The following CCT6A variants were observed in gnomAD, a reference collection of about 807,000 sequenced individuals.
The protein encoded by CCT6A is T-complex protein 1 subunit zeta.
CCT6A carries 6 observed loss-of-function variants against 58.6 expected under a neutral mutation model. The ratio of observed to expected loss-of-function variants is 0.10; its 90% CI spans 0.06 to 0.20. CCT6A has a LOEUF of 0.20. Ranked by LOEUF, CCT6A falls within the 10% of genes least tolerant of loss-of-function variation. CCT6A has a pLI of 1.00. For synonymous variants in CCT6A, 245 were observed against 227.8 expected, an observed-to-expected ratio of 1.08 and a Z score of -0.68; for missense variants, 516 against 648.8, an observed-to-expected ratio of 0.80 and a Z score of 2.22.
chr7:56,057,462 C>T (rs1034768402), intron 5 of CCT6A, among the ~76,000 whole-genome samples: 3 of 151,968 alleles, frequency 2.0e-5, no homozygotes, highest in Non-Finnish European at 2.9e-5. Flanking sequence ...CTTCTGCCTC[C>T]GTAAGTGCTG....
At position 56,060,382 on chromosome 7, in the gene CCT6A, C is replaced by T. The variant is rs534008553; in HGVS notation, c.1179C>T (p.Asp393=). The change falls in exon 10 of 14, where the codon GAC becomes GAT. Residue 393 remains aspartate, a synonymous_variant. Transcript: ENST00000275603. Reference sequence around the variant, plus strand: ...CTCAGATCAAAGATGCAGTGAGGGACGGCTTGAGGGCTGTCAAAAATGCTA... The same window carrying T: ...CTCAGATCAAAGATGCAGTGAGGGATGGCTTGAGGGCTGTCAAAAATGCTA... ...TLTQIKDAVR[D]GLRAVKNAID... is the part of the protein sequence containing the mutation. 1.1e-5 allele frequency: 18 copies of T among 1,613,912 alleles called. No homozygotes were observed. Among genetic ancestry groups the T allele is most frequent in the Non-Finnish European group, 1.4e-5 (16 of 1,179,834 alleles).
At chr7:56,060,168 GTTCCTTATTAATATGC>G in intron 9 of CCT6A, 85 bp from the exon 10 acceptor site, 1 of 987,808 alleles carries the variant, frequency 1.0e-6, no homozygotes, top group East Asian at 2.4e-5. Context: ...GATCAAGTTT[GTTCCTTATTAATATGC>G]TACTTGTCAT....
At chr7:56,061,691 TTTTAC>T in intron 11 of CCT6A, 51 bp from the exon 12 acceptor site, 4 of 536,332 alleles carry the variant, frequency 7.5e-6, no homozygotes, top group Non-Finnish European at 9.6e-6. Flanking sequence ...TTTTTTTTTT[TTTTAC>T]TATCAGTTAT....
chr7:56,051,957 A>G lies in CCT6A; in HGVS notation c.109A>G (p.Asn37Asp). 1 of 1,538,408 alleles carries G rather than the reference A, an allele frequency of 6.5e-7. No individual in the cohort carries two copies. Among genetic ancestry groups the G allele is most frequent in the Non-Finnish European group, 8.8e-7 (1 of 1,141,632 alleles). ...ARGLQDVLRT[N>D]LGPKGTMKML... The stretch of plus-strand genomic sequence containing the variant: ...GGGTCTGCAGGACGTGCTAAGGACC[A>G]ACCTGGGGCCCAAGGGCACCATGAA... The change falls in exon 1 of 14, where the codon AAC becomes GAC. Residue 37 changes from asparagine to aspartate, a missense_variant. By Grantham distance (23) the Asn-to-Asp change is conservative. Coordinates refer to ENST00000275603, the MANE Select transcript of CCT6A (RefSeq NM_001762.4).
chr7:56,054,559 T>C lies in CCT6A; in HGVS notation c.336+56T>C, dbSNP rs530325528. 7.9e-5 allele frequency: 120 copies of C among 1,526,190 alleles called. 1 individual carries two copies. Among genetic ancestry groups the C allele is most frequent in the Non-Finnish European group, 1.0e-4 (115 of 1,115,854 alleles). 94.5% of individuals were successfully genotyped at this position (1,526,190 alleles called of 1,614,324 possible). On this transcript the variant is annotated intron_variant, in intron 3 of 13. Transcript: ENST00000275603. ...TTTTGTATATAGGAAGTGTCTGATA[T>C]TTATACAAATTGATGTGCTGTTAAT...
rs1418253020 is a variant in CCT6A, at chr7:56,051,958, A to G, written c.110A>G (p.Asn37Ser). 6.5e-7 allele frequency: 1 copy of G among 1,529,980 alleles called. No homozygotes were observed. The highest frequency in any genetic ancestry group is 8.8e-7 in the Non-Finnish European group (1 of 1,136,666). The allele number at this position is 1,529,980 out of a possible 1,614,324, so 94.8% of individuals were successfully genotyped here. The change falls in exon 1 of 14, where the codon AAC becomes AGC. Residue 37 changes from asparagine (N) to serine (S), a missense_variant. By Grantham distance (46) the Asn-to-Ser change is conservative. Transcript: ENST00000275603. ...GGTCTGCAGGACGTGCTAAGGACCAACCTGGGGCCCAAGGGCACCATGAAG... is the reference window on the plus strand; with the variant it reads ...GGTCTGCAGGACGTGCTAAGGACCAGCCTGGGGCCCAAGGGCACCATGAAG... ...ARGLQDVLRT[N>S]LGPKGTMKML...
Position 56,052,470 on chromosome 7 carries a change from G to C in CCT6A, c.186G>C (p.Val62=), listed in dbSNP as rs781062032. The C allele has an allele frequency of 1.2e-6, 2 of 1,613,830 alleles. No homozygotes were observed. Among genetic ancestry groups the C allele is most frequent in the South Asian group, 2.2e-5 (2 of 91,084 alleles). ...GDIKLTKDGN[V]LLHEMQIQHP... ...TCAAACTTACTAAAGACGGCAATGT[G>C]CTGCTTCACGAAATGGTGAGAGGTG... is the stretch of plus-strand genomic sequence containing the variant. Residue 62 remains valine (V), a synonymous_variant, in exon 2 of 14, where the codon GTG becomes GTC. Coordinates refer to ENST00000275603, the MANE Select transcript of CCT6A (RefSeq NM_001762.4).
rs572489585 is a variant in CCT6A at position 56,063,132 on chromosome 7, C to CTT, written c.*48_*49insTT. On this transcript the variant is annotated 3_prime_UTR_variant, in exon 14 of 14. Transcript: ENST00000275603. ...GAATCTTGAAGACTGCAAAGTGATC[C>CTT]TGAGGATTACAGCTGTGGAATTTTT... The CTT allele has an allele frequency of 6.6e-4, 821 of 1,252,194 alleles. 3 individuals are homozygous for CTT. The highest frequency in any genetic ancestry group is 4.6e-3 in the Admixed American group (275 of 59,536). 77.6% of individuals were successfully genotyped at this position (1,252,194 alleles called of 1,614,324 possible). A position where few individuals can be genotyped will look rare whatever the true frequency, so the allele number is the denominator to read the frequency against.
In CCT6A at chr7:56,063,358, A is replaced by G. The variant is rs1306269114; in HGVS notation, c.*273A>G. The G allele has an allele frequency of 7.8e-5, 35 of 451,568 alleles. No homozygotes were observed. The highest frequency in any genetic ancestry group is 1.2e-4 in the Non-Finnish European group (30 of 252,446). 28.0% of individuals were successfully genotyped at this position (451,568 alleles called of 1,614,324 possible). A position where few individuals can be genotyped will look rare whatever the true frequency, so the allele number is the denominator to read the frequency against. Reference sequence around the variant, plus strand: ...AGTGACATAAAATTCCATGTTAGATAAGCATATGTTACTTACCTTGTTATT... The same window carrying G: ...AGTGACATAAAATTCCATGTTAGATGAGCATATGTTACTTACCTTGTTATT... On this transcript the variant is annotated 3_prime_UTR_variant, in exon 14 of 14. Coordinates refer to ENST00000275603, the MANE Select transcript of CCT6A (RefSeq NM_001762.4).
chr7:56,051,812 A>T lies in CCT6A; in HGVS notation c.-37A>T, dbSNP rs761665214. On this transcript the variant is annotated 5_prime_UTR_variant, in exon 1 of 14. Transcript: ENST00000275603. Reference sequence around the variant, plus strand: ...CGGCCACGCCGCGCCGGCTCTGGGCACTCAGCATCGTTTCCTTTTCCTCCG... The same window carrying T: ...CGGCCACGCCGCGCCGGCTCTGGGCTCTCAGCATCGTTTCCTTTTCCTCCG... The T allele has an allele frequency of 2.6e-6, 4 of 1,545,650 alleles. No individual in the cohort carries two copies. Among genetic ancestry groups the T allele is most frequent in the Non-Finnish European group, 3.5e-6 (4 of 1,145,420 alleles).
In CCT6A at chr7:56,063,397, A is replaced by G. The variant is rs1201323611; in HGVS notation, c.*312A>G. 4 of 294,866 alleles carry G rather than the reference A, an allele frequency of 1.4e-5. No individual in the cohort carries two copies. The highest frequency in any genetic ancestry group is 4.8e-5 in the Admixed American group (1 of 20,856). The allele number at this position is 294,866 out of a possible 1,614,324, so 18.3% of individuals were successfully genotyped here. On this transcript the variant is annotated 3_prime_UTR_variant, in exon 14 of 14. Transcript: ENST00000275603. ...TACCTTGTTATTAAATATTTCTTGA[A>G]AAGCAAATTTTAATGGTTTAATTTT...
chr7:56,055,829 A>C (rs1369055104), intron 4 of CCT6A, 32 bp downstream of exon 4: 1 of 1,484,516 alleles, frequency 6.7e-7, no homozygotes, highest in Non-Finnish European at 9.3e-7. Context: ...TGTCTGGTAT[A>C]GTATACCTAT....
chr7:56,054,250 A>G lies in CCT6A; in HGVS notation c.202-119A>G, dbSNP rs1794257088. The G allele has an allele frequency of 4.0e-6, 3 of 741,516 alleles. No homozygotes were observed. In the South Asian group the frequency reaches 6.3e-5, roughly 15 times the overall value. 45.9% of individuals were successfully genotyped at this position (741,516 alleles called of 1,614,324 possible). A position where few individuals can be genotyped will look rare whatever the true frequency, so the allele number is the denominator to read the frequency against. On this transcript the variant is annotated intron_variant, in intron 2 of 13. Transcript: ENST00000275603. Reference sequence around the variant, plus strand: ...AGTTAATCGAAGTAATTTGTAGCCAACATTTGGGTAGCTTTTTCAAGTAGA... The same window carrying G: ...AGTTAATCGAAGTAATTTGTAGCCAGCATTTGGGTAGCTTTTTCAAGTAGA...
intron 9 of CCT6A, chr7:56,059,991 C>T (rs775590542): frequency 1.9e-5 from 9 of 465,054 alleles, no homozygotes; most frequent in African/African-American, 3.9e-5. Context: ...CATGAGCCAC[C>T]GTGCCTGGTT....
At chr7:56,052,578 G>A in intron 2 of CCT6A, 93 bp downstream of exon 2, 1 of 1,100,882 alleles carries the variant, frequency 9.1e-7, no homozygotes. Flanking sequence ...TTTCAAGGTA[G>A]GAGAACATTC....
At chr7:56,062,584 A>C (rs1014157257) in intron 12 of CCT6A, 99 bp from the exon 13 acceptor site, 39 of 974,348 alleles carry the variant, frequency 4.0e-5, no homozygotes, top group Non-Finnish European at 5.6e-5. Flanking sequence ...TCTCATAGTT[A>C]ATACTGGAGG....
chr7:56,054,264 T>A (rs1439976402), intron 2 of CCT6A, 105 bp from the exon 3 acceptor site: 18 of 919,800 alleles, frequency 2.0e-5, no homozygotes, highest in African/African-American at 3.3e-5. Context: ...TTGGGTAGCT[T>A]TTTCAAGTAG....
intron 12 of CCT6A, among the ~76,000 whole-genome samples, chr7:56,062,437 T>C (rs760249493): frequency 2.6e-5 from 4 of 152,218 alleles, no homozygotes; most frequent in Non-Finnish European, 4.4e-5. Context: ...TATACTTCAG[T>C]ATGAGTAAAC....
At position 56,051,862 on chromosome 7, in the gene CCT6A, A is replaced by G; in HGVS notation, c.14A>G (p.Lys5Arg). 1 of 1,561,174 alleles carries G rather than the reference A, an allele frequency of 6.4e-7. No homozygotes were observed. Among genetic ancestry groups the G allele is most frequent in the South Asian group, 1.2e-5 (1 of 84,946 alleles). Residue 5 changes from lysine to arginine, a missense_variant, in exon 1 of 14, where the codon AAG becomes AGG. Lys to Arg is a conservative substitution (Grantham distance 26, BLOSUM62 2). Transcript: ENST00000275603. The stretch of plus-strand genomic sequence containing the variant: ...GCTGGAGCAGCTATGGCGGCGGTGA[A>G]GACCCTGAACCCCAAGGCCGAGGTG... MAAV[K>R]TLNPKAEVAR...
Sources: allele counts gnomAD v4.1 joint callset (sites outside exome capture counted in the v4.1 genomes callset), GRCh38; gene constraint gnomAD v4.1.1; transcripts MANE v1.5; gene names NCBI Gene and HGNC (gene_info 2026-07-23, HGNC 2026-07-21).